Variants in CSMD1 observed in about 807,000 individuals in gnomAD.
The protein encoded by CSMD1 is CUB and Sushi multiple domains 1.
In CSMD1, 213 loss-of-function variants were observed where a neutral mutation model predicts 417.5. The observed-to-expected ratio is 0.51, with a 90% confidence interval of 0.46 to 0.57. CSMD1 has a LOEUF of 0.57. Among genes scored for constraint, CSMD1 ranks in the 20% least tolerant of loss-of-function variants. CSMD1 has a pLI of 0.00. For synonymous variants in CSMD1, 2,862 were observed against 1,736.8 expected (o/e 1.65, Z -16.11); for missense variants, 6,923 against 4,529.7 (o/e 1.53, Z -15.17).
intron 5 of CSMD1, among the ~76,000 whole-genome samples, chr8:3,806,621 A>G (rs1443850997): frequency 1.3e-5 from 2 of 152,188 alleles, no homozygotes; most frequent in East Asian, 3.9e-4. Flanking sequence ...ATCAATAATC[A>G]ATGTAAGTCA....
intron 5 of CSMD1, among the ~76,000 whole-genome samples, chr8:3,915,397 C>G (rs1808746761): frequency 8.8e-6 from 1 of 114,108 alleles, no homozygotes; most frequent in African/African-American, 4.0e-5. Context: ...CACAGTAAGA[C>G]TCTGTCTCAA....
intron 3 of CSMD1, among the ~76,000 whole-genome samples, chr8:4,320,505 C>G (rs1006357719): frequency 1.3e-5 from 2 of 152,094 alleles, no homozygotes; most frequent in Non-Finnish European, 2.9e-5. Flanking sequence ...CTATTCCTCC[C>G]CTAGACCCCC....
intron 49 of CSMD1, among the ~76,000 whole-genome samples, chr8:3,063,542 T>C (rs945023411): frequency 6.6e-6 from 1 of 152,212 alleles, no homozygotes; most frequent in Non-Finnish European, 1.5e-5. Flanking sequence ...ATGTCCCTAG[T>C]AGCATTATTC....
chr8:4,915,170 T>A (rs924348905), intron 1 of CSMD1, among the ~76,000 whole-genome samples: 2 of 152,086 alleles, frequency 1.3e-5, no homozygotes, highest in Non-Finnish European at 2.9e-5. Flanking sequence ...ATTATATATA[T>A]AAGAGAAATG....
At chr8:4,607,462 G>C (rs201965210) in intron 2 of CSMD1, among the ~76,000 whole-genome samples, 2 of 152,144 alleles carry the variant, frequency 1.3e-5, no homozygotes, top group African/African-American at 4.8e-5. Context: ...TGTGAAGCTA[G>C]GGCCTGATAC....
intron 2 of CSMD1, among the ~76,000 whole-genome samples, chr8:4,588,341 T>G (rs549856447): frequency 8.2e-5 from 12 of 145,532 alleles, no homozygotes; most frequent in Non-Finnish European, 1.2e-4. Flanking sequence ...AAATACAGTA[T>G]AGAGAGCACA....
chr8:4,053,544 T>A (rs779218802), intron 3 of CSMD1, among the ~76,000 whole-genome samples: 4 of 152,142 alleles, frequency 2.6e-5, no homozygotes, highest in Admixed American at 6.6e-5. Context: ...CTCAAGTGGT[T>A]TTCTCTGACC....
At chr8:3,546,661 T>A (rs76639815) in intron 10 of CSMD1, among the ~76,000 whole-genome samples, 4,022 of 152,182 alleles carry the variant, frequency 0.026, 162 homozygotes, top group African/African-American at 0.078. Flanking sequence ...AAATTACTCA[T>A]CAATGGGTAA....
At chr8:3,575,930 G>A (rs1223843488) in intron 9 of CSMD1, among the ~76,000 whole-genome samples, 6 of 151,742 alleles carry the variant, frequency 4.0e-5, no homozygotes, top group Non-Finnish European at 8.8e-5. Flanking sequence ...TTTAAACTGG[G>A]TTTCAGAAAG....
intron 1 of CSMD1, among the ~76,000 whole-genome samples, chr8:4,725,567 C>T (rs1389492517): frequency 6.6e-6 from 1 of 152,132 alleles, no homozygotes; most frequent in Non-Finnish European, 1.5e-5. Flanking sequence ...TTGAGACCTA[C>T]GTGTATTTCA....
In CSMD1 at chr8:4,769,269, G is replaced by C. The variant is rs770719481; in HGVS notation, c.86-131711C>G. Among the ~76,000 whole-genome samples the C allele has an allele frequency of 2.6e-5, 4 of 152,142 alleles. No homozygotes were observed. The East Asian group carries it at 5.8e-4, about 22-fold the overall frequency. On this transcript the variant is annotated intron_variant, in intron 1 of 69. Transcript: ENST00000635120. ...CTGGAAAAGGCAGCCAGAACAAATT[G>C]AGTGCCTGAAAGTACACCTGAAGGA... is the stretch of plus-strand genomic sequence containing the variant.
At chr8:4,455,795 G>A (rs891639296) in intron 2 of CSMD1, among the ~76,000 whole-genome samples, 1 of 151,192 alleles carries the variant, frequency 6.6e-6, no homozygotes, top group Non-Finnish European at 1.5e-5. Context: ...GCTGGATGTG[G>A]TGGCATGTGC....
intron 2 of CSMD1, among the ~76,000 whole-genome samples, chr8:4,586,873 C>G (rs182290076): frequency 6.6e-6 from 1 of 152,268 alleles, no homozygotes; most frequent in East Asian, 1.9e-4. Context: ...TATCCAGTAT[C>G]TGGCATAGTA....
At chr8:3,101,751 C>G (rs563496197) in intron 46 of CSMD1, among the ~76,000 whole-genome samples, 1 of 151,770 alleles carries the variant, frequency 6.6e-6, no homozygotes, top group Admixed American at 6.6e-5. Context: ...GAACAATGCA[C>G]TCTCCTTGTT....
intron 3 of CSMD1, among the ~76,000 whole-genome samples, chr8:4,404,413 G>A (rs1050678061): frequency 1.3e-4 from 20 of 152,116 alleles, no homozygotes; most frequent in African/African-American, 4.1e-4. Context: ...AATTGTTTCA[G>A]TTAATCATCA....
chr8:3,745,334 A>T (rs188895524), intron 6 of CSMD1, among the ~76,000 whole-genome samples: 1 of 152,242 alleles, frequency 6.6e-6, no homozygotes, highest in Admixed American at 6.5e-5. Flanking sequence ...TTGGAATCTC[A>T]TGAGCCTTTA....
intron 7 of CSMD1, among the ~76,000 whole-genome samples, chr8:3,644,909 G>C (rs1797497804): frequency 7.7e-6 from 1 of 129,236 alleles, no homozygotes; most frequent in African/African-American, 3.0e-5. Context: ...AACACTGGTA[G>C]AATTGCCCAC....
At chr8:4,154,544 C>A (rs552786024) in intron 3 of CSMD1, among the ~76,000 whole-genome samples, 23 of 152,256 alleles carry the variant, frequency 1.5e-4, no homozygotes, top group African/African-American at 5.5e-4. Context: ...GAAGCCAGGA[C>A]ACTATGCTTC....
At chr8:3,192,646 A>T (rs1460163867) in intron 33 of CSMD1, among the ~76,000 whole-genome samples, 1 of 152,196 alleles carries the variant, frequency 6.6e-6, no homozygotes, top group Non-Finnish European at 1.5e-5. Context: ...CAGCCATTTT[A>T]TACAATATTT....
Sources: gnomAD v4.1 joint callset for allele counts (sites outside exome capture counted in the v4.1 genomes callset) on GRCh38, gnomAD v4.1.1 for gene constraint, MANE v1.5 for transcripts, NCBI Gene and HGNC (gene_info 2026-07-23, HGNC 2026-07-21) for gene names.